Variants in LAMA2 observed in about 807,000 individuals in gnomAD.
LAMA2 encodes laminin subunit alpha 2, also known as laminin subunit alpha-2.
A neutral mutation model predicts 364.8 loss-of-function variants in LAMA2; 269 were observed. The observed-to-expected ratio is 0.74, with a 90% CI of 0.67 to 0.82. The LOEUF is 0.82. LAMA2 is among the 40% of genes least tolerant of loss of function. The pLI is 0.00. For synonymous variants in LAMA2, 1,379 were observed against 1,370.6 expected, an observed-to-expected ratio of 1.01 and a Z score of -0.14; for missense variants, 3,807 against 3,873.2, an observed-to-expected ratio of 0.98 and a Z score of 0.45.
At chr6:129,037,770 C>T (rs4612192) in intron 1 of LAMA2, among the ~76,000 whole-genome samples, 20,222 of 151,158 alleles carry the variant, frequency 0.13, 1,553 homozygotes, top group African/African-American at 0.2. Context: ...CCCAGGTTCA[C>T]GCCATTCTCC....
Position 129,079,090 on chromosome 6 carries a change from C to T in LAMA2, c.397-19083C>T, listed in dbSNP as rs1046372349. On this transcript the variant is annotated intron_variant, in intron 3 of 64. Transcript: ENST00000421865. Reference sequence around the variant, plus strand: ...TCCATTGATGAACACAGGTTAATTCCACCTTCTGGCTATTGTTCTTAATGC... The same window carrying T: ...TCCATTGATGAACACAGGTTAATTCTACCTTCTGGCTATTGTTCTTAATGC... Among the ~76,000 whole-genome samples the T allele has an allele frequency of 2.6e-5, 4 of 152,090 alleles. No individual in the cohort carries two copies. In the East Asian group the frequency reaches 5.8e-4, roughly 22 times the overall value.
intron 1 of LAMA2, among the ~76,000 whole-genome samples, chr6:128,962,179 TATATATAC>T (rs1781571906): frequency 4.2e-5 from 5 of 120,244 alleles, no homozygotes; most frequent in Non-Finnish European, 8.4e-5. Flanking sequence ...TATATATATA[TATATATAC>T]ACACATACAC....
At chr6:129,265,395 A>G (rs1188231503) in intron 15 of LAMA2, among the ~76,000 whole-genome samples, 3 of 152,174 alleles carry the variant, frequency 2.0e-5, no homozygotes, top group South Asian at 2.1e-4. Context: ...AAACAAAAAA[A>G]CTTATTAAGG....
chr6:129,250,987 G>A lies in LAMA2; in HGVS notation c.1884+774G>A, dbSNP rs933798078. On this transcript the variant is annotated intron_variant, in intron 13 of 64. Coordinates refer to ENST00000421865, the MANE Select transcript of LAMA2 (RefSeq NM_000426.4). ...ACATTTTCCAGTATTGGATGAAGTG[G>A]TCTGCTCTCTCTCTTTCTGTCTCTC... Among the ~76,000 whole-genome samples the A allele has an allele frequency of 4.0e-5, 6 of 148,180 alleles. No homozygotes were observed. The South Asian group carries it at 8.6e-4, about 21-fold the overall frequency.
intron 12 of LAMA2, among the ~76,000 whole-genome samples, chr6:129,223,293 G>T (rs1299235107): frequency 6.6e-6 from 1 of 152,084 alleles, no homozygotes; most frequent in African/African-American, 2.4e-5. Flanking sequence ...TCTGTAGGTT[G>T]CCTGTTCACT....
At chr6:129,221,297 T>C (rs1328713486) in intron 12 of LAMA2, among the ~76,000 whole-genome samples, 1 of 108,324 alleles carries the variant, frequency 9.2e-6, no homozygotes, top group Admixed American at 8.4e-5. Flanking sequence ...TACTGGTTTC[T>C]TTTTTTTTTT....
chr6:129,401,357 A>G lies in LAMA2; in HGVS notation c.5562+17A>G. 7.0e-7 allele frequency: 1 copy of G among 1,437,930 alleles called. No individual in the cohort carries two copies. Among genetic ancestry groups the G allele is most frequent in the Non-Finnish European group, 9.8e-7 (1 of 1,020,398 alleles). 89.1% of individuals were successfully genotyped at this position (1,437,930 alleles called of 1,614,324 possible). ...ATCATAGACGTGAGTATTGGGTAAAACTCAAAAGAGAGATGATAATGAATA... is the reference window on the plus strand; with the variant it reads ...ATCATAGACGTGAGTATTGGGTAAAGCTCAAAAGAGAGATGATAATGAATA... On this transcript the variant is annotated intron_variant, in intron 38 of 64. Coordinates refer to ENST00000421865, the MANE Select transcript of LAMA2 (RefSeq NM_000426.4).
rs759819184 is a variant in LAMA2 at position 129,516,218 on chromosome 6, C to A, written c.9240C>A (p.Thr3080=). The A allele has an allele frequency of 2.5e-5, 41 of 1,613,980 alleles. No individual in the cohort carries two copies. Among genetic ancestry groups the A allele is most frequent in the Non-Finnish European group, 3.4e-5 (40 of 1,180,010 alleles). Residue 3080 remains threonine, a synonymous_variant, in exon 65 of 65, where the codon ACC becomes ACA. Coordinates refer to ENST00000421865, the MANE Select transcript of LAMA2 (RefSeq NM_000426.4). Reference sequence around the variant, plus strand: ...ACCTCAAGCAGTTTGGCCTAACAACCAGTATTCCGTTCCGAGGTTGCATCA... The same window carrying A: ...ACCTCAAGCAGTTTGGCCTAACAACAAGTATTCCGTTCCGAGGTTGCATCA... The part of the protein sequence containing the change: ...PDDLKQFGLT[T]SIPFRGCIRS...
chr6:129,064,865 A>G (rs927161174), intron 3 of LAMA2, among the ~76,000 whole-genome samples: 1 of 152,138 alleles, frequency 6.6e-6, no homozygotes, highest in African/African-American at 2.4e-5. Context: ...CCTTCTCAAA[A>G]TCCTCCAAAT....
At chr6:129,183,706 C>T (rs1583205732) in intron 10 of LAMA2, among the ~76,000 whole-genome samples, 1 of 151,962 alleles carries the variant, frequency 6.6e-6, no homozygotes, top group South Asian at 2.1e-4. Flanking sequence ...TCAACTTTCT[C>T]AGGAAAGCTG....
chr6:129,411,391 G>T (rs946414169), intron 40 of LAMA2, among the ~76,000 whole-genome samples: 3 of 152,174 alleles, frequency 2.0e-5, no homozygotes, highest in African/African-American at 7.2e-5. Context: ...AAAAATGATA[G>T]TGGGATGGTT....
At chr6:129,158,835 A>G (rs1779285353) in intron 8 of LAMA2, 1 of 1,614,102 alleles carries the variant, frequency 6.2e-7, no homozygotes. Flanking sequence ...CCTGAAGCTA[A>G]TGTGGTTTCT....
At position 129,259,464 on chromosome 6, in the gene LAMA2, G is replaced by A. The variant is rs541124844; in HGVS notation, c.2097-1247G>A. Among the ~76,000 whole-genome samples, 35 of 151,956 alleles carry A rather than the reference G, an allele frequency of 2.3e-4. 1 individual carries two copies. In the East Asian group the frequency reaches 6.0e-3, roughly 26 times the overall value. ...TATCATATGCTATAAAATGTCTATC[G>A]GTAATTTTTAAAACTGTGATTATTA... On this transcript the variant is annotated intron_variant, in intron 14 of 64. Coordinates refer to ENST00000421865, the MANE Select transcript of LAMA2 (RefSeq NM_000426.4).
chr6:129,045,414 T>C (rs557145415), intron 1 of LAMA2, among the ~76,000 whole-genome samples: 152 of 152,336 alleles, frequency 1.0e-3, no homozygotes, highest in Non-Finnish European at 1.9e-3. Flanking sequence ...CTTTAGGCCC[T>C]GACAAGAAGT....
chr6:129,245,307 A>G (rs1034692813), intron 12 of LAMA2, among the ~76,000 whole-genome samples: 1 of 152,122 alleles, frequency 6.6e-6, no homozygotes, highest in African/African-American at 2.4e-5. Context: ...AATTGCCTCA[A>G]AGTGAACTAA....
intron 12 of LAMA2, among the ~76,000 whole-genome samples, chr6:129,225,990 A>C (rs1583291830): frequency 6.6e-6 from 1 of 152,260 alleles, no homozygotes; most frequent in African/African-American, 2.4e-5. Flanking sequence ...TAGGTCTCTA[A>C]GGACTTGCTT....
chr6:129,141,320 C>A (rs144669302), intron 4 of LAMA2, among the ~76,000 whole-genome samples: 119 of 152,172 alleles, frequency 7.8e-4, no homozygotes, highest in Middle Eastern at 6.8e-3. Flanking sequence ...AAACACATTT[C>A]TGGCTCACCT....
chr6:129,369,876 A>G lies in LAMA2; in HGVS notation c.4861-16A>G, dbSNP rs775733047. 1.1e-5 allele frequency: 18 copies of G among 1,609,440 alleles called. No individual in the cohort carries two copies. Among genetic ancestry groups the G allele is most frequent in the Non-Finnish European group, 1.4e-5 (16 of 1,175,848 alleles). On this transcript the variant is annotated splice_polypyrimidine_tract_variant and intron_variant, in intron 33 of 64. Coordinates refer to ENST00000421865, the MANE Select transcript of LAMA2 (RefSeq NM_000426.4). The stretch of plus-strand genomic sequence containing the variant: ...GCCATTTACTAAAAATGTTTATGGG[A>G]TGGAATCTTTTTCAGCACTTGCTGT...
chr6:129,475,126 C>G (rs1278740541), intron 52 of LAMA2, among the ~76,000 whole-genome samples: 1 of 152,000 alleles, frequency 6.6e-6, no homozygotes, highest in Non-Finnish European at 1.5e-5. Context: ...AGAACAAGTA[C>G]TTTAAATTCA....
Sources: allele counts gnomAD v4.1 joint callset (sites outside exome capture counted in the v4.1 genomes callset), GRCh38; gene constraint gnomAD v4.1.1; transcripts MANE v1.5; gene names NCBI Gene and HGNC (gene_info 2026-07-23, HGNC 2026-07-21).